The following ZDBF2 variants were observed in gnomAD, a reference collection of about 807,000 sequenced individuals.
ZDBF2 encodes DBF4-type zinc finger-containing protein 2.
In ZDBF2, 6 loss-of-function variants were observed where a neutral mutation model predicts 9.4. That is an observed-to-expected ratio of 0.64 (90% CI 0.35 to 1.27). ZDBF2 has a LOEUF of 1.27. Ranked by LOEUF, ZDBF2 falls within the 50% of genes most tolerant of loss-of-function variation. The pLI is 0.03. For missense variants in ZDBF2, 2,697 were observed against 2,766.8 expected (o/e 0.97, Z 0.57); for synonymous variants, 905 against 946.3 (o/e 0.96, Z 0.80).
intron 3 of ZDBF2, among the ~76,000 whole-genome samples, chr2:206,284,338 TG>T (rs1346068747): frequency 1.3e-5 from 2 of 152,190 alleles, no homozygotes; most frequent in African/African-American, 4.8e-5. Context: ...TACATATGTA[TG>T]GGGTACAGTG....
intron 2 of ZDBF2, 79 bp downstream of exon 2, chr2:206,279,671 G>A (rs1180952174): frequency 6.6e-6 from 1 of 152,092 alleles, no homozygotes; most frequent in Non-Finnish European, 1.5e-5. Context: ...ATTTAGGCAT[G>A]CAAAGTAATA....
chr2:206,286,718 G>A (rs892539532), intron 3 of ZDBF2, among the ~76,000 whole-genome samples: 26 of 152,162 alleles, frequency 1.7e-4, no homozygotes, highest in Non-Finnish European at 3.7e-4. Context: ...CTTTACAGGT[G>A]AAGTTAGTTT....
In ZDBF2 at chr2:206,312,279, C is replaced by T. The variant is rs1693231713; in HGVS notation, c.*686C>T. ...TTGCCCATGTGTTTAGGCATTCCCC[C>T]CCTTTTTTTTAACCACCTTTACTCT... On this transcript the variant is annotated 3_prime_UTR_variant, in exon 5 of 5. Transcript: ENST00000374423. 6.6e-6 allele frequency: 1 copy of T among 151,990 alleles called. No homozygotes were observed. The highest frequency in any genetic ancestry group is 2.4e-5 in the African/African-American group (1 of 41,386). 9.4% of individuals were successfully genotyped at this position (151,990 alleles called of 1,614,324 possible). A position where few individuals can be genotyped will look rare whatever the true frequency, so the allele number is the denominator to read the frequency against.
rs768544053 is a variant in ZDBF2 at position 206,310,922 on chromosome 2, T to G, written c.6394T>G (p.Ser2132Ala). The part of the protein sequence containing the change: ...TSDSSLFLEE[S>A]KVLHARELPK... ...TGACTCTTCTCTGTTTCTGGAAGAA[T>G]CAAAGGTTCTGCATGCTCGTGAGCT... is the stretch of plus-strand genomic sequence containing the variant. The change falls in exon 5 of 5, where the codon TCA becomes GCA. Residue 2132 changes from serine (S) to alanine (A), a missense_variant. This residue lies in a region of ZDBF2 where 1,783 missense variants were observed against 1,776.5 expected (regional missense o/e 1.00). Transcript: ENST00000374423. 6.8e-6 allele frequency: 11 copies of G among 1,613,792 alleles called. No homozygotes were observed. Among genetic ancestry groups the G allele is most frequent in the African/African-American group, 5.3e-5 (4 of 74,910 alleles).
In ZDBF2 at chr2:206,308,160, C is replaced by T; in HGVS notation, c.3632C>T (p.Ala1211Val). Residue 1211 changes from alanine to valine, a missense_variant, in exon 5 of 5, where the codon GCT (alanine) becomes GTT (valine). This residue lies in a region of ZDBF2 where 1,783 missense variants were observed against 1,776.5 expected (regional missense o/e 1.00). Transcript: ENST00000374423. ...FDSDDPLQSV[A>V]DRLRETVKEI... ...TCTGATGACCCTCTTCAGTCAGTGG[C>T]TGACCGGCTGAGAGAAACCGTTAAA... 6.2e-7 allele frequency: 1 copy of T among 1,613,772 alleles called. No individual in the cohort carries two copies. Among genetic ancestry groups the T allele is most frequent in the South Asian group, 1.1e-5 (1 of 91,054 alleles).
chr2:206,303,009 A>T (rs1692581829), intron 4 of ZDBF2, among the ~76,000 whole-genome samples: 1 of 152,116 alleles, frequency 6.6e-6, no homozygotes, highest in Non-Finnish European at 1.5e-5. Context: ...TTTCTCTATT[A>T]TTAACATTAA....
rs746427866 is a variant in ZDBF2, at chr2:206,306,311, C to T, written c.1783C>T (p.His595Tyr). ...TGTTTCTCTTGAGTCAGTAGTTGAT[C>T]ATCCCCAACTGACTGTCAAAGGAAG... Reference protein sequence around the residue: ...CDVSLESVVDHPQLTVKGRNL... With the variant: ...CDVSLESVVDYPQLTVKGRNL... Residue 595 changes from histidine to tyrosine, a missense_variant, in exon 5 of 5, where the codon CAT (histidine) becomes TAT (tyrosine). Physicochemically the swap from His to Tyr is moderately conservative, Grantham distance 83 (BLOSUM62 2). Transcript: ENST00000374423. 5 of 1,613,536 alleles carry T rather than the reference C, an allele frequency of 3.1e-6. No homozygotes were observed. In the Admixed American group the frequency reaches 6.7e-5, roughly 22 times the overall value.
chr2:206,299,133 G>A (rs1692361057), intron 4 of ZDBF2, among the ~76,000 whole-genome samples: 3 of 151,944 alleles, frequency 2.0e-5, no homozygotes, highest in East Asian at 3.9e-4. Flanking sequence ...TGCCTGCCTC[G>A]CCCTCCCAAA....
In ZDBF2 at chr2:206,309,818, C is replaced by A. The variant is rs1190620406; in HGVS notation, c.5290C>A (p.Gln1764Lys). The A allele has an allele frequency of 2.5e-6, 4 of 1,613,752 alleles. No homozygotes were observed. The highest frequency in any genetic ancestry group is 3.4e-6 in the Non-Finnish European group (4 of 1,179,856). ...PPLPSDTDQP[Q>K]ETVKKRHPCK... is the part of the protein sequence containing the mutation. Reference sequence around the variant, plus strand: ...TCTTCCATCTGATACTGATCAGCCTCAAGAAACTGTTAAGAAAAGACACCC... The same window carrying A: ...TCTTCCATCTGATACTGATCAGCCTAAAGAAACTGTTAAGAAAAGACACCC... Residue 1764 changes from glutamine (Q) to lysine (K), a missense_variant, in exon 5 of 5, where the codon CAA becomes AAA. This residue lies in a region of ZDBF2 where 1,783 missense variants were observed against 1,776.5 expected (regional missense o/e 1.00). Transcript: ENST00000374423.
chr2:206,278,028 T>C (rs1428102773), intron 1 of ZDBF2, among the ~76,000 whole-genome samples: 3 of 152,188 alleles, frequency 2.0e-5, no homozygotes, highest in Non-Finnish European at 4.4e-5. Context: ...TAATGGTATA[T>C]GAAGGTGCTC....
intron 3 of ZDBF2, among the ~76,000 whole-genome samples, chr2:206,282,147 A>T (rs1056054601): frequency 6.6e-6 from 1 of 152,216 alleles, no homozygotes; most frequent in Non-Finnish European, 1.5e-5. Context: ...AATTTAGTAC[A>T]TAATGCGTGA....
chr2:206,290,924 C>G (rs924815091), intron 3 of ZDBF2, among the ~76,000 whole-genome samples: 5 of 151,720 alleles, frequency 3.3e-5, no homozygotes, highest in Admixed American at 3.3e-4. Flanking sequence ...TTTTTTGGAT[C>G]TTGGGAGAAA....
chr2:206,276,349 G>T (rs1469912142), intron 1 of ZDBF2, among the ~76,000 whole-genome samples: 1 of 152,102 alleles, frequency 6.6e-6, no homozygotes, highest in Non-Finnish European at 1.5e-5. Context: ...TGTGTGCTCG[G>T]TTGTAATTAA....
Position 206,310,260 on chromosome 2 carries a change from T to C in ZDBF2, c.5732T>C (p.Val1911Ala). ...CGISDIDDLS[V>A]ALDKPCHRHP... is the part of the protein sequence containing the mutation. ...ATTTCAGATATTGATGACTTGTCAGTGGCCTTAGATAAACCATGCCATCGT... is the reference window on the plus strand; with the variant it reads ...ATTTCAGATATTGATGACTTGTCAGCGGCCTTAGATAAACCATGCCATCGT... Residue 1911 changes from valine (V) to alanine (A), a missense_variant, in exon 5 of 5, where the codon GTG (valine) becomes GCG (alanine). By Grantham distance (64) the Val-to-Ala change is moderately conservative. Around this residue, in one of 3 missense-constraint regions of ZDBF2, gnomAD observed 1,783 missense variants for 1,776.5 expected, o/e 1.00. Coordinates refer to ENST00000374423, the MANE Select transcript of ZDBF2 (RefSeq NM_020923.3). 1 of 1,613,974 alleles carries C rather than the reference T, an allele frequency of 6.2e-7. No individual in the cohort carries two copies.
At position 206,308,403 on chromosome 2, in the gene ZDBF2, C is replaced by A. The variant is rs936347485; in HGVS notation, c.3875C>A (p.Pro1292His). The A allele has an allele frequency of 1.2e-6, 2 of 1,612,916 alleles. No individual in the cohort carries two copies. Among genetic ancestry groups the A allele is most frequent in the Middle Eastern group, 1.6e-4 (1 of 6,076 alleles). The stretch of plus-strand genomic sequence containing the variant: ...AGAATAAATTTTGATTCTCATGAAC[C>A]CCTTCAGTCCGTAACTAATAAAATT... ...DSRINFDSHE[P>H]LQSVTNKIPG... is the part of the protein sequence containing the mutation. Residue 1292 changes from proline to histidine, a missense_variant, in exon 5 of 5, where the codon CCC (proline) becomes CAC (histidine). This residue lies in a region of ZDBF2 where 1,783 missense variants were observed against 1,776.5 expected (regional missense o/e 1.00). Transcript: ENST00000374423.
At position 206,310,603 on chromosome 2, in the gene ZDBF2, T is replaced by G. The variant is rs752422925; in HGVS notation, c.6075T>G (p.Leu2025=). The G allele has an allele frequency of 1.2e-5, 19 of 1,610,436 alleles. No individual in the cohort carries two copies. Among genetic ancestry groups the G allele is most frequent in the Non-Finnish European group, 1.6e-5 (19 of 1,178,030 alleles). Residue 2025 remains leucine (L), a synonymous_variant, in exon 5 of 5, where the codon CTT becomes CTG. Coordinates refer to ENST00000374423, the MANE Select transcript of ZDBF2 (RefSeq NM_020923.3). ...LNIKLKEGEG[L]PFPKMRHHSW... ...TTAAACTGAAAGAGGGTGAAGGCCT[T>G]CCTTTCCCTAAAATGAGGCACCATA...
At chr2:206,286,463 TG>T (rs924767193) in intron 3 of ZDBF2, among the ~76,000 whole-genome samples, 7 of 152,204 alleles carry the variant, frequency 4.6e-5, no homozygotes, top group African/African-American at 1.4e-4. Context: ...ACTTAAAGTC[TG>T]TTTTATCTAT....
At position 206,307,495 on chromosome 2, in the gene ZDBF2, A is replaced by G. The variant is rs368525554; in HGVS notation, c.2967A>G (p.Gln989=). 6.2e-7 allele frequency: 1 copy of G among 1,613,496 alleles called. No homozygotes were observed. Among genetic ancestry groups the G allele is most frequent in the Non-Finnish European group, 8.5e-7 (1 of 1,179,660 alleles). The change falls in exon 5 of 5, where the codon CAA becomes CAG. Residue 989 remains glutamine (Q), a synonymous_variant. Coordinates refer to ENST00000374423, the MANE Select transcript of ZDBF2 (RefSeq NM_020923.3). ...WLQREKHAEF[Q]GRSTEFSGSK... ...AAAGAGAAAAGCACGCTGAATTCCA[A>G]GGTAGAAGTACTGAATTCAGTGGTT...
chr2:206,302,565 C>T lies in ZDBF2; in HGVS notation c.189-2152C>T, dbSNP rs181297731. ...TTTCTTTTCTTAGCTACATATTGCA[C>T]AATTGGTTTTATTTTGAGAATGTTG... On this transcript the variant is annotated intron_variant, in intron 4 of 4. Transcript: ENST00000374423. Among the ~76,000 whole-genome samples the T allele has an allele frequency of 2.3e-3, 342 of 151,842 alleles. 1 individual carries two copies. Among genetic ancestry groups the T allele is most frequent in the Middle Eastern group, 0.01 (3 of 294 alleles).
Sources: allele counts gnomAD v4.1 joint callset (sites outside exome capture counted in the v4.1 genomes callset), GRCh38; gene constraint gnomAD v4.1.1; regional missense constraint gnomAD v4.1.1; transcripts MANE v1.5; gene names NCBI Gene and HGNC (gene_info 2026-07-23, HGNC 2026-07-21).